The following RNLS variants were observed in gnomAD, a reference collection of about 807,000 sequenced individuals.
RNLS encodes the protein renalase.
Under a neutral mutation model 39.8 loss-of-function variants are expected in RNLS, and 39 were observed. That is an observed-to-expected ratio of 0.98 (90% CI 0.76 to 1.28). The LOEUF (loss-of-function observed/expected upper bound fraction) is 1.28, where lower values mean the gene tolerates loss of function less well. RNLS is among the 50% of genes most tolerant of loss of function. The pLI is 0.00. For missense variants in RNLS, 410 were observed against 413.3 expected, an observed-to-expected ratio of 0.99 and a Z score of 0.07; for synonymous variants, 147 against 150.7, an observed-to-expected ratio of 0.98 and a Z score of 0.18.
chr10:88,573,104 T>C (rs1436958314), intron 3 of RNLS, 43 bp from the exon 4 acceptor site: 1 of 1,593,236 alleles, frequency 6.3e-7, no homozygotes, highest in East Asian at 2.2e-5. Context: ...CAGAATTGCA[T>C]ATATGAATAA....
the RNLS span, among the ~76,000 whole-genome samples, chr10:88,246,620 G>A: frequency 3.3e-5 from 5 of 151,838 alleles, no homozygotes; most frequent in East Asian, 1.9e-4. Flanking sequence ...TATAAATCCC[G>A]CTTTTTTTTC....
chr10:88,433,476 A>G (rs1319048523), intron 4 of RNLS, among the ~76,000 whole-genome samples: 1 of 152,090 alleles, frequency 6.6e-6, no homozygotes, highest in African/African-American at 2.4e-5. Flanking sequence ...GAATTATCAT[A>G]ATTTAGATAT....
At chr10:88,484,741 T>G (rs1205926564) in intron 4 of RNLS, among the ~76,000 whole-genome samples, 2 of 151,944 alleles carry the variant, frequency 1.3e-5, no homozygotes, top group African/African-American at 4.8e-5. Flanking sequence ...CACTTTTTCA[T>G]TAGTAACTGA....
At chr10:88,344,028 T>C (rs1936522283) in intron 5 of RNLS, among the ~76,000 whole-genome samples, 4 of 152,120 alleles carry the variant, frequency 2.6e-5, no homozygotes, top group Admixed American at 2.6e-4. Context: ...TATTATACAT[T>C]GTTATTTTGG....
chr10:88,466,950 T>C (rs1843244906), intron 4 of RNLS, among the ~76,000 whole-genome samples: 2 of 152,266 alleles, frequency 1.3e-5, no homozygotes, highest in Non-Finnish European at 2.9e-5. Flanking sequence ...ACATTGTCTA[T>C]GACCAAGCCA....
chr10:88,451,163 T>C (rs1002925278), intron 4 of RNLS, among the ~76,000 whole-genome samples: 4 of 152,172 alleles, frequency 2.6e-5, no homozygotes, highest in African/African-American at 9.7e-5. Context: ...TGAGTGGCAT[T>C]TGGGAAAGGA....
chr10:88,482,935 C>T (rs988483876), intron 4 of RNLS, among the ~76,000 whole-genome samples: 2 of 151,850 alleles, frequency 1.3e-5, no homozygotes, highest in Non-Finnish European at 2.9e-5. Flanking sequence ...CCTTCCCTCC[C>T]TCACTCCTTC....
intron 4 of RNLS, among the ~76,000 whole-genome samples, chr10:88,489,927 T>C (rs1200516567): frequency 1.3e-5 from 2 of 152,192 alleles, no homozygotes; most frequent in Non-Finnish European, 2.9e-5. Context: ...TTTTCTATGT[T>C]GAGCAACTAG....
At chr10:88,300,284 G>T (rs1393023632) in intron 6 of RNLS, among the ~76,000 whole-genome samples, 3 of 152,160 alleles carry the variant, frequency 2.0e-5, no homozygotes, top group African/African-American at 7.2e-5. Flanking sequence ...TTAATAAGTT[G>T]CATTCTTGAA....
chr10:88,366,663 G>GAAAAAAAAAAAAAAAAAAA (rs774157650), intron 4 of RNLS, among the ~76,000 whole-genome samples: 2 of 25,838 alleles, frequency 7.7e-5, no homozygotes, highest in Admixed American at 6.4e-4. Context: ...TAAGTTTTCT[G>GAAAAAAAAAAAAAAAAAAA]AAAAAAAAAA....
intron 4 of RNLS, among the ~76,000 whole-genome samples, chr10:88,397,605 A>G (rs1852639173): frequency 6.6e-6 from 1 of 151,984 alleles, no homozygotes; most frequent in Non-Finnish European, 1.5e-5. Context: ...GCAGAAGAAA[A>G]AAAATAATAA....
At chr10:88,190,980 G>A in the RNLS span, among the ~76,000 whole-genome samples, 1 of 152,324 alleles carries the variant, frequency 6.6e-6, no homozygotes, top group South Asian at 2.1e-4. Flanking sequence ...TTCTGGCTCT[G>A]CCTGGCTCAA....
intron 5 of RNLS, among the ~76,000 whole-genome samples, chr10:88,354,091 T>C (rs1848950695): frequency 6.6e-6 from 1 of 152,202 alleles, no homozygotes; most frequent in African/African-American, 2.4e-5. Flanking sequence ...CATCCCTTTA[T>C]TTTGAGCCTA....
At chr10:88,434,227 G>A (rs530212828) in intron 4 of RNLS, among the ~76,000 whole-genome samples, 7 of 152,222 alleles carry the variant, frequency 4.6e-5, no homozygotes, top group African/African-American at 1.4e-4. Context: ...TGCACTAGTC[G>A]ATGTAGTCAT....
chr10:88,199,047 A>C, the RNLS span, among the ~76,000 whole-genome samples: 1 of 152,180 alleles, frequency 6.6e-6, no homozygotes, highest in Non-Finnish European at 1.5e-5. Flanking sequence ...CACCTCGGAA[A>C]GGAGAAGGAG....
intron 6 of RNLS, among the ~76,000 whole-genome samples, chr10:88,300,733 A>C (rs1844452559): frequency 6.6e-6 from 1 of 152,214 alleles, no homozygotes. Context: ...AACCCAGTTC[A>C]ATGTTTGACA....
At chr10:88,430,114 C>T (rs1337339191) in intron 4 of RNLS, among the ~76,000 whole-genome samples, 1 of 151,672 alleles carries the variant, frequency 6.6e-6, no homozygotes, top group Middle Eastern at 3.2e-3. Context: ...TTGATTCTTC[C>T]AAGCCATGAA....
At chr10:88,554,640 C>G (rs542573623) in intron 4 of RNLS, among the ~76,000 whole-genome samples, 2 of 151,976 alleles carry the variant, frequency 1.3e-5, no homozygotes, top group African/African-American at 4.8e-5. Context: ...TCCACAGGCC[C>G]TCACCTCCAA....
chr10:88,442,222 G>A (rs1283442885), intron 4 of RNLS, among the ~76,000 whole-genome samples: 4 of 152,118 alleles, frequency 2.6e-5, no homozygotes, highest in African/African-American at 9.7e-5. Context: ...TTTCCAGAAG[G>A]TAAAGAGAAA....
Sources: allele counts gnomAD v4.1 joint callset (sites outside exome capture counted in the v4.1 genomes callset), GRCh38; gene constraint gnomAD v4.1.1; transcripts MANE v1.5; gene names NCBI Gene and HGNC (gene_info 2026-07-23, HGNC 2026-07-21).